SLC24A2: variants seen among roughly 807,000 people sequenced by gnomAD.
The protein encoded by SLC24A2 is sodium/potassium/calcium exchanger 2.
SLC24A2 carries 36 observed loss-of-function variants against 62.0 expected under a neutral mutation model. The observed-to-expected ratio is 0.58, with a 90% CI of 0.44 to 0.77. The LOEUF (loss-of-function observed/expected upper bound fraction) is 0.77, where lower values mean the gene tolerates loss of function less well. Ranked by LOEUF, SLC24A2 falls within the 30% of genes least tolerant of loss-of-function variation. The pLI is 0.00. For synonymous variants in SLC24A2, 358 were observed against 294.0 expected, an observed-to-expected ratio of 1.22 and a Z score of -2.23; for missense variants, 846 against 817.9, an observed-to-expected ratio of 1.03 and a Z score of -0.42.
At chr9:19,586,816 T>C (rs1479742169) in intron 5 of SLC24A2, among the ~76,000 whole-genome samples, 1 of 152,128 alleles carries the variant, frequency 6.6e-6, no homozygotes, top group Non-Finnish European at 1.5e-5. Flanking sequence ...CATTTCAATC[T>C]CATATATACA....
the SLC24A2 span, among the ~76,000 whole-genome samples, chr9:20,110,331 T>C: frequency 6.6e-6 from 1 of 152,148 alleles, no homozygotes; most frequent in Non-Finnish European, 1.5e-5. Flanking sequence ...GTTGACCCAA[T>C]TGTGTTAGGA....
intron 2 of SLC24A2, among the ~76,000 whole-genome samples, chr9:19,756,423 T>C (rs891716664): frequency 1.1e-4 from 17 of 152,232 alleles, no homozygotes; most frequent in African/African-American, 3.6e-4. Flanking sequence ...AAAGCTTAGC[T>C]ATTGATATTC....
chr9:20,069,194 C>T, the SLC24A2 span, among the ~76,000 whole-genome samples: 1 of 152,182 alleles, frequency 6.6e-6, no homozygotes, highest in Non-Finnish European at 1.5e-5. Flanking sequence ...GTAAATTCAA[C>T]TCTACACACT....
At position 19,690,937 on chromosome 9, in the gene SLC24A2, C is replaced by G. The variant is rs80324106; in HGVS notation, c.931-68638G>C. ...TGCGTGTGAGAGAGAGAGAGAGAGA[C>G]AGAGAGAGAGACAGAGAGAGAATGT... On this transcript the variant is annotated intron_variant, in intron 2 of 10. Coordinates refer to ENST00000341998, the MANE Select transcript of SLC24A2 (RefSeq NM_020344.4). Among the ~76,000 whole-genome samples, 409 of 130,888 alleles carry G rather than the reference C, an allele frequency of 3.1e-3. 2 individuals are homozygous for G. Among genetic ancestry groups the G allele is most frequent in the Non-Finnish European group, 5.6e-3 (318 of 56,448 alleles). The allele number at this position is 130,888 out of a possible 152,430, so 85.9% of individuals were successfully genotyped here.
chr9:20,307,349 T>C, the SLC24A2 span, among the ~76,000 whole-genome samples: 1 of 152,202 alleles, frequency 6.6e-6, no homozygotes, highest in African/African-American at 2.4e-5. Context: ...GAAACAAACT[T>C]GAAGAGAGAA....
At chr9:20,113,800 T>G in the SLC24A2 span, among the ~76,000 whole-genome samples, 1 of 152,218 alleles carries the variant, frequency 6.6e-6, no homozygotes, top group Admixed American at 6.5e-5. Flanking sequence ...TAAATTTTTA[T>G]GCACTGACTT....
chr9:20,277,678 G>C, the SLC24A2 span, among the ~76,000 whole-genome samples: 1 of 152,174 alleles, frequency 6.6e-6, no homozygotes, highest in Non-Finnish European at 1.5e-5. Flanking sequence ...AGACAGTGTG[G>C]CGATTCCTCA....
At chr9:19,836,233 G>C in the SLC24A2 span, among the ~76,000 whole-genome samples, 1 of 152,104 alleles carries the variant, frequency 6.6e-6, no homozygotes. Flanking sequence ...GATCAGAGCA[G>C]AACTGAAGGA....
chr9:19,640,715 T>G (rs982644149), intron 2 of SLC24A2, among the ~76,000 whole-genome samples: 1 of 152,230 alleles, frequency 6.6e-6, no homozygotes, highest in Non-Finnish European at 1.5e-5. Flanking sequence ...TCCCTACTCA[T>G]CTTACCCTAA....
At chr9:20,040,544 T>C in the SLC24A2 span, among the ~76,000 whole-genome samples, 8 of 152,294 alleles carry the variant, frequency 5.3e-5, no homozygotes, top group Middle Eastern at 3.4e-3. Context: ...CCCCACCAAA[T>C]GACCGAGGCA....
chr9:20,156,668 G>T, the SLC24A2 span, among the ~76,000 whole-genome samples: 1 of 151,712 alleles, frequency 6.6e-6, no homozygotes, highest in African/African-American at 2.4e-5. Context: ...TCCTACTGTT[G>T]TCTTTGCCTT....
chr9:19,986,561 A>T, the SLC24A2 span, among the ~76,000 whole-genome samples: 1 of 143,384 alleles, frequency 7.0e-6, no homozygotes, highest in East Asian at 2.2e-4. Context: ...AGATAAATGG[A>T]TAAACAAATT....
chr9:19,825,744 A>ATT, the SLC24A2 span, among the ~76,000 whole-genome samples: 2 of 150,736 alleles, frequency 1.3e-5, no homozygotes, highest in African/African-American at 2.4e-5. Flanking sequence ...ACTAGAACAG[A>ATT]TTTTTTTTTT....
chr9:19,568,042 A>G (rs981079432), intron 7 of SLC24A2, among the ~76,000 whole-genome samples: 5 of 152,250 alleles, frequency 3.3e-5, no homozygotes, highest in African/African-American at 1.2e-4. Flanking sequence ...CAGGAGAATA[A>G]CAGTGTGGTG....
At chr9:20,048,077 G>A in the SLC24A2 span, among the ~76,000 whole-genome samples, 1 of 152,096 alleles carries the variant, frequency 6.6e-6, no homozygotes, top group Non-Finnish European at 1.5e-5. Context: ...TGGGATGCAA[G>A]ACACCAGATT....
chr9:20,239,353 C>T, the SLC24A2 span, among the ~76,000 whole-genome samples: 1 of 152,156 alleles, frequency 6.6e-6, no homozygotes, highest in South Asian at 2.1e-4. Context: ...TAACTATGCA[C>T]CTTCTATTTC....
chr9:19,627,451 G>C (rs1314305867), intron 2 of SLC24A2, among the ~76,000 whole-genome samples: 12 of 152,092 alleles, frequency 7.9e-5, no homozygotes, highest in Non-Finnish European at 1.8e-4. Flanking sequence ...AGGGGGCCAG[G>C]GTGACTTCAT....
the SLC24A2 span, among the ~76,000 whole-genome samples, chr9:20,287,304 C>T: frequency 1.3e-5 from 2 of 152,212 alleles, no homozygotes; most frequent in African/African-American, 4.8e-5. Flanking sequence ...ACCAGGCAAA[C>T]ATTCATCTCA....
the SLC24A2 span, among the ~76,000 whole-genome samples, chr9:20,227,659 A>G: frequency 4.6e-5 from 7 of 152,010 alleles, no homozygotes; most frequent in Non-Finnish European, 8.8e-5. Context: ...ATGCCCTGCT[A>G]TCAGCGTGGC....
Sources: gnomAD v4.1 joint callset for allele counts (sites outside exome capture counted in the v4.1 genomes callset) on GRCh38, gnomAD v4.1.1 for gene constraint, MANE v1.5 for transcripts, NCBI Gene and HGNC (gene_info 2026-07-23, HGNC 2026-07-21) for gene names.